Variants in SEMA3A observed in about 807,000 individuals in gnomAD.
SEMA3A encodes the protein semaphorin-3A.
A neutral mutation model predicts 97.9 loss-of-function variants in SEMA3A; 29 were observed. The ratio of observed to expected loss-of-function variants is 0.30; its 90% CI spans 0.22 to 0.40. The LOEUF is 0.40. Ranked by LOEUF, SEMA3A falls within the 10% of genes least tolerant of loss-of-function variation. SEMA3A has a pLI of 1.00. For synonymous variants in SEMA3A, 321 were observed against 323.7 expected (o/e 0.99, Z 0.09); for missense variants, 763 against 951.3 (o/e 0.80, Z 2.60).
chr7:84,314,252 T>A (rs2115880449), intron 2 of SEMA3A, among the ~76,000 whole-genome samples: 1 of 152,196 alleles, frequency 6.6e-6, no homozygotes, highest in East Asian at 1.9e-4. Flanking sequence ...GATAAAGACA[T>A]AACATTTTAA....
chr7:84,117,051 C>T (rs1256345410), intron 3 of SEMA3A, among the ~76,000 whole-genome samples: 1 of 152,092 alleles, frequency 6.6e-6, no homozygotes, highest in African/African-American at 2.4e-5. Context: ...CTGCTTTGTA[C>T]AGAATTAGAT....
At chr7:84,299,322 A>ATT (rs1374864767) in intron 3 of SEMA3A, among the ~76,000 whole-genome samples, 1 of 114,674 alleles carries the variant, frequency 8.7e-6, no homozygotes, top group Non-Finnish European at 2.0e-5. Flanking sequence ...ATATATATAT[A>ATT]TCTCCATATA....
At chr7:84,071,812 A>G (rs1414432164) in intron 4 of SEMA3A, among the ~76,000 whole-genome samples, 1 of 152,192 alleles carries the variant, frequency 6.6e-6, no homozygotes, top group Non-Finnish European at 1.5e-5. Context: ...AAATATAAAT[A>G]TAGAGCTTTG....
chr7:84,417,067 T>A (rs565148752), intron 1 of SEMA3A, among the ~76,000 whole-genome samples: 2 of 152,222 alleles, frequency 1.3e-5, no homozygotes, highest in South Asian at 4.1e-4. Flanking sequence ...AAATTTAGGT[T>A]CTGTACTAAA....
At chr7:84,200,253 C>T (rs71558717) in intron 3 of SEMA3A, among the ~76,000 whole-genome samples, 10,816 of 151,910 alleles carry the variant, frequency 0.071, 501 homozygotes, top group African/African-American at 0.13. Flanking sequence ...TAAAAATATT[C>T]CTTGTTTTTC....
intron 1 of SEMA3A, among the ~76,000 whole-genome samples, chr7:84,434,562 G>A (rs1221591912): frequency 3.3e-5 from 5 of 151,960 alleles, no homozygotes; most frequent in Non-Finnish European, 5.9e-5. Context: ...ACAACAAAAA[G>A]AAAACTACAG....
intron 4 of SEMA3A, among the ~76,000 whole-genome samples, chr7:84,094,662 T>C (rs950883173): frequency 2.0e-5 from 3 of 152,084 alleles, no homozygotes; most frequent in Non-Finnish European, 2.9e-5. Flanking sequence ...AACATCATAA[T>C]ATGACACCGA....
At chr7:84,097,581 A>C (rs1794815073) in intron 4 of SEMA3A, among the ~76,000 whole-genome samples, 1 of 152,102 alleles carries the variant, frequency 6.6e-6, no homozygotes, top group Non-Finnish European at 1.5e-5. Context: ...TCAGGGACCA[A>C]AGATACACAA....
At chr7:84,193,634 A>T (rs1278666349) in intron 1 of SEMA3A, among the ~76,000 whole-genome samples, 1 of 152,082 alleles carries the variant, frequency 6.6e-6, no homozygotes, top group Non-Finnish European at 1.5e-5. Flanking sequence ...TTTACACATC[A>T]TCTATCTATA....
chr7:84,115,742 T>G (rs939430272), intron 3 of SEMA3A, among the ~76,000 whole-genome samples: 15 of 152,170 alleles, frequency 9.9e-5, no homozygotes, highest in Non-Finnish European at 1.8e-4. Context: ...CTGGGAAATC[T>G]ACATAAATAT....
At chr7:84,484,056 A>G (rs1228930) in intron 1 of SEMA3A, among the ~76,000 whole-genome samples, 64,934 of 150,066 alleles carry the variant, frequency 0.43, 15,079 homozygotes, top group East Asian at 0.62. Flanking sequence ...AAAAAAAGAA[A>G]AAAAAAAAAA....
chr7:84,068,305 G>A (rs1049400260), intron 4 of SEMA3A, among the ~76,000 whole-genome samples: 1 of 147,378 alleles, frequency 6.8e-6, no homozygotes, highest in Non-Finnish European at 1.5e-5. Context: ...GATAGCATTG[G>A]GAGATATACC....
chr7:84,362,350 A>T (rs962742236), intron 2 of SEMA3A, among the ~76,000 whole-genome samples: 2 of 152,062 alleles, frequency 1.3e-5, no homozygotes, highest in Non-Finnish European at 2.9e-5. Context: ...ATAATTCTCA[A>T]TTTCAACCAT....
intron 1 of SEMA3A, among the ~76,000 whole-genome samples, chr7:84,425,286 T>C (rs935831584): frequency 5.7e-5 from 7 of 123,436 alleles, no homozygotes; most frequent in African/African-American, 1.6e-4. Flanking sequence ...TTATATAATA[T>C]ATTTATATTT....
At chr7:84,434,593 C>G (rs1481868869) in intron 1 of SEMA3A, among the ~76,000 whole-genome samples, 1 of 152,030 alleles carries the variant, frequency 6.6e-6, no homozygotes, top group East Asian at 1.9e-4. Flanking sequence ...CTAATGAGGA[C>G]AGACATAAAA....
At chr7:83,965,749 C>T (rs934300115) in intron 15 of SEMA3A, among the ~76,000 whole-genome samples, 1 of 123,868 alleles carries the variant, frequency 8.1e-6, no homozygotes, top group African/African-American at 3.1e-5. Context: ...GGTGCGATCT[C>T]GGCTCACTGC....
intron 9 of SEMA3A, among the ~76,000 whole-genome samples, chr7:84,010,719 T>C (rs1242413623): frequency 8.6e-5 from 10 of 116,486 alleles, no homozygotes; most frequent in Non-Finnish European, 1.7e-4. Flanking sequence ...TCCATCTGTA[T>C]AATATTTTAC....
At chr7:84,321,250 A>T (rs1431237246) in intron 2 of SEMA3A, among the ~76,000 whole-genome samples, 1 of 152,144 alleles carries the variant, frequency 6.6e-6, no homozygotes, top group Non-Finnish European at 1.5e-5. Flanking sequence ...TACAGATTTA[A>T]CTCAACAAAT....
At chr7:84,177,017 T>C (rs1797588665) in intron 1 of SEMA3A, among the ~76,000 whole-genome samples, 2 of 152,072 alleles carry the variant, frequency 1.3e-5, no homozygotes, top group Non-Finnish European at 2.9e-5. Context: ...TGTTCTATTA[T>C]TAGGAACACC....
Sources: allele counts gnomAD v4.1 joint callset (sites outside exome capture counted in the v4.1 genomes callset), GRCh38; gene constraint gnomAD v4.1.1; transcripts MANE v1.5; gene names NCBI Gene and HGNC (gene_info 2026-07-23, HGNC 2026-07-21).